Variants in KCNU1 observed in about 807,000 individuals in gnomAD.
The protein encoded by KCNU1 is potassium channel subfamily U member 1.
Under a neutral mutation model 126.8 loss-of-function variants are expected in KCNU1, and 93 were observed. That is an observed-to-expected ratio of 0.73 (90% CI 0.62 to 0.87). The LOEUF is 0.87. Among genes scored for constraint, KCNU1 ranks in the 40% least tolerant of loss-of-function variants. KCNU1 has a pLI of 0.00. For missense variants in KCNU1, 1,330 were observed against 1,367.1 expected, an observed-to-expected ratio of 0.97 and a Z score of 0.43; for synonymous variants, 523 against 494.2, an observed-to-expected ratio of 1.06 and a Z score of -0.77.
chr8:36,840,848 C>G, intron 15 of KCNU1, 84 bp from the exon 16 acceptor site: 1 of 980,216 alleles, frequency 1.0e-6, no homozygotes, highest in South Asian at 1.3e-5. Context: ...TTGGTTTCCT[C>G]CTAGGCACAG....
At chr8:36,933,403 G>T (rs1808760018) in intron 26 of KCNU1, among the ~76,000 whole-genome samples, 1 of 152,050 alleles carries the variant, frequency 6.6e-6, no homozygotes, top group South Asian at 2.1e-4. Context: ...CTTGTTTTCT[G>T]CTGGACTCAT....
chr8:36,890,740 T>C (rs1487993230), intron 19 of KCNU1, among the ~76,000 whole-genome samples: 2 of 151,976 alleles, frequency 1.3e-5, no homozygotes, highest in Non-Finnish European at 2.9e-5. Context: ...CAACATGTGC[T>C]ATATATAAGA....
At chr8:36,812,763 A>G (rs903940563) in intron 7 of KCNU1, among the ~76,000 whole-genome samples, 40 of 152,182 alleles carry the variant, frequency 2.6e-4, no homozygotes, top group African/African-American at 8.4e-4. Flanking sequence ...GGACCCACAG[A>G]AGGCTGCCAT....
intron 10 of KCNU1, among the ~76,000 whole-genome samples, chr8:36,829,573 T>A (rs1393220455): frequency 3.7e-5 from 5 of 134,532 alleles, no homozygotes; most frequent in African/African-American, 1.3e-4. Context: ...TTACCTTTTA[T>A]TTTTTTTTAT....
At chr8:36,912,859 T>G (rs2117542147) in intron 22 of KCNU1, among the ~76,000 whole-genome samples, 1 of 145,826 alleles carries the variant, frequency 6.9e-6, no homozygotes, top group Non-Finnish European at 1.5e-5. Context: ...TCCCAGCTAC[T>G]CGGGAGGCTG....
intron 7 of KCNU1, among the ~76,000 whole-genome samples, chr8:36,810,883 AAAT>A (rs1191366864): frequency 6.6e-6 from 1 of 152,206 alleles, no homozygotes; most frequent in Non-Finnish European, 1.5e-5. Context: ...TAAAAAATAA[AAAT>A]AAGATTTTAG....
chr8:36,806,326 A>G lies in KCNU1; in HGVS notation c.526A>G (p.Ile176Val), dbSNP rs777380701. 1 of 1,611,900 alleles carries G rather than the reference A, an allele frequency of 6.2e-7. No individual in the cohort carries two copies. Among genetic ancestry groups the G allele is most frequent in the Non-Finnish European group, 8.5e-7 (1 of 1,178,932 alleles). Residue 176 changes from isoleucine to valine, a missense_variant, in exon 5 of 27, where the codon ATC becomes GTC. By Grantham distance (29) the Ile-to-Val change is conservative. Transcript: ENST00000399881. Reference sequence around the variant, plus strand: ...GCTGGAGATGAATTCAATCGTAGACATCTTTACCATCCCACCAACCTTTAT... The same window carrying G: ...GCTGGAGATGAATTCAATCGTAGACGTCTTTACCATCCCACCAACCTTTAT... Reference protein sequence around the residue: ...FWLEMNSIVDIFTIPPTFISY... With the variant: ...FWLEMNSIVDVFTIPPTFISY...
chr8:36,796,892 T>TG (rs1226308106), intron 2 of KCNU1, among the ~76,000 whole-genome samples: 3 of 152,286 alleles, frequency 2.0e-5, no homozygotes, highest in Admixed American at 6.5e-5. Flanking sequence ...TCTATTTTAT[T>TG]GGTATTTATA....
At chr8:36,882,884 C>A (rs1220131176) in intron 19 of KCNU1, among the ~76,000 whole-genome samples, 1 of 152,220 alleles carries the variant, frequency 6.6e-6, no homozygotes, top group Non-Finnish European at 1.5e-5. Context: ...GGCCCACCCG[C>A]CACATTTGTT....
At chr8:36,844,550 T>C (rs1276125065) in intron 16 of KCNU1, among the ~76,000 whole-genome samples, 1 of 152,192 alleles carries the variant, frequency 6.6e-6, no homozygotes, top group Non-Finnish European at 1.5e-5. Context: ...GAAAAGGCCA[T>C]CCATTGTCTG....
intron 19 of KCNU1, chr8:36,888,718 A>G (rs1010115054): frequency 5.6e-6 from 3 of 534,468 alleles, no homozygotes; most frequent in African/African-American, 1.9e-5. Context: ...ACTTGCAGGA[A>G]AGCATCTTCA....
At chr8:36,877,933 T>C (rs867579337) in intron 19 of KCNU1, among the ~76,000 whole-genome samples, 5 of 152,306 alleles carry the variant, frequency 3.3e-5, no homozygotes, top group Middle Eastern at 6.8e-3. Flanking sequence ...TCTGCCTTGG[T>C]CCTGTGTGTA....
At position 36,845,634 on chromosome 8, in the gene KCNU1, G is replaced by A. The variant is rs763599774; in HGVS notation, c.1758G>A (p.Gly586=). ...PQVRIRKNTL[G]FFIAETPKDV... ...TGAGGATACGTAAGAACACATTAGG[G>A]TTCTTTATTGCTGAAACTCCAAAGG... Residue 586 remains glycine, a synonymous_variant, in exon 17 of 27, where the codon GGG becomes GGA. Coordinates refer to ENST00000399881, the MANE Select transcript of KCNU1 (RefSeq NM_001031836.3). The A allele has an allele frequency of 3.1e-6, 5 of 1,611,380 alleles. No homozygotes were observed. Among genetic ancestry groups the A allele is most frequent in the East Asian group, 4.5e-5 (2 of 44,826 alleles).
At chr8:36,815,768 G>A in intron 9 of KCNU1, 81 bp downstream of exon 9, 2 of 801,910 alleles carry the variant, frequency 2.5e-6, no homozygotes, top group South Asian at 3.4e-5. Flanking sequence ...TCTATTGTCT[G>A]GCTTAGCTGT....
intron 9 of KCNU1, 104 bp downstream of exon 9, chr8:36,815,791 G>A: frequency 1.5e-6 from 1 of 653,738 alleles, no homozygotes; most frequent in Non-Finnish European, 2.7e-6. Flanking sequence ...AACCCAAGGT[G>A]AATATATCAG....
intron 10 of KCNU1, among the ~76,000 whole-genome samples, chr8:36,827,049 T>C (rs1468933410): frequency 2.6e-4 from 39 of 152,226 alleles, no homozygotes; most frequent in Admixed American, 2.5e-3. Flanking sequence ...CTTTCTTGTG[T>C]GTGTGCCTAT....
intron 20 of KCNU1, among the ~76,000 whole-genome samples, chr8:36,906,760 A>T (rs2117513002): frequency 6.6e-6 from 1 of 152,266 alleles, no homozygotes; most frequent in South Asian, 2.1e-4. Flanking sequence ...TAAAAGCATG[A>T]TCCATCATTT....
At chr8:36,816,902 A>G (rs1398994140) in intron 9 of KCNU1, among the ~76,000 whole-genome samples, 1 of 151,930 alleles carries the variant, frequency 6.6e-6, no homozygotes, top group Admixed American at 6.6e-5. Flanking sequence ...TGGGTGAGAA[A>G]TGGAAAAATT....
intron 19 of KCNU1, among the ~76,000 whole-genome samples, chr8:36,902,477 G>A (rs1391903524): frequency 2.6e-5 from 4 of 152,076 alleles, no homozygotes; most frequent in African/African-American, 7.2e-5. Flanking sequence ...CAGAAGGAAA[G>A]TAGTAGTAGC....
Sources: gnomAD v4.1 joint callset for allele counts (sites outside exome capture counted in the v4.1 genomes callset) on GRCh38, gnomAD v4.1.1 for gene constraint, MANE v1.5 for transcripts, NCBI Gene and HGNC (gene_info 2026-07-23, HGNC 2026-07-21) for gene names.